PLEKHM3: variants seen among roughly 807,000 people sequenced by gnomAD.
PLEKHM3 encodes the protein pleckstrin homology domain containing M3, also known as pleckstrin homology domain-containing family M member 3.
Under a neutral mutation model 81.8 loss-of-function variants are expected in PLEKHM3, and 45 were observed. The ratio of observed to expected loss-of-function variants is 0.55; its 90% confidence interval spans 0.43 to 0.71. The LOEUF is 0.71. Ranked by LOEUF, PLEKHM3 falls within the 30% of genes least tolerant of loss-of-function variation. PLEKHM3 has a pLI of 0.00. For synonymous variants in PLEKHM3, 352 were observed against 356.4 expected, an observed-to-expected ratio of 0.99 and a Z score of 0.14; for missense variants, 788 against 924.3, an observed-to-expected ratio of 0.85 and a Z score of 1.91.
Position 208,011,356 on chromosome 2 carries a change from C to T in PLEKHM3, c.-318-9399G>A, listed in dbSNP as rs149289284. On this transcript the variant is annotated intron_variant, in intron 1 of 7. Coordinates refer to ENST00000427836, the MANE Select transcript of PLEKHM3 (RefSeq NM_001080475.3). ...ACCAACCCAAATGCTCATCAATCAA[C>T]GAATAGAAAGAAACTGTGAGATATA... Among the ~76,000 whole-genome samples the T allele has an allele frequency of 5.3e-5, 8 of 152,048 alleles. No homozygotes were observed. In the East Asian group the frequency reaches 9.7e-4, roughly 18 times the overall value.
intron 1 of PLEKHM3, among the ~76,000 whole-genome samples, chr2:208,023,892 G>A (rs1376608210): frequency 6.6e-6 from 1 of 151,894 alleles, no homozygotes; most frequent in Non-Finnish European, 1.5e-5. Flanking sequence ...CATGTATATA[G>A]CAATTACTAT....
At chr2:207,841,496 T>C (rs1306805225) in intron 7 of PLEKHM3, among the ~76,000 whole-genome samples, 2 of 125,520 alleles carry the variant, frequency 1.6e-5, no homozygotes, top group Non-Finnish European at 3.3e-5. Flanking sequence ...TATATATATA[T>C]ATATATATAT....
At chr2:207,910,953 A>G (rs1219646237) in intron 5 of PLEKHM3, among the ~76,000 whole-genome samples, 1 of 152,226 alleles carries the variant, frequency 6.6e-6, no homozygotes, top group African/African-American at 2.4e-5. Flanking sequence ...CCTGAAGTAT[A>G]GAGCCTGGGG....
chr2:207,888,354 T>TACAC (rs72373527), intron 6 of PLEKHM3, among the ~76,000 whole-genome samples: 3,208 of 150,134 alleles, frequency 0.021, 81 homozygotes, highest in African/African-American at 0.06. Context: ...CTTTTCTTCA[T>TACAC]ACACACACAC....
At chr2:207,828,594 A>G in intron 7 of PLEKHM3, 98 bp from the exon 8 acceptor site, 2 of 1,137,876 alleles carry the variant, frequency 1.8e-6, no homozygotes, top group Non-Finnish European at 2.5e-6. Context: ...GGCACAATCT[A>G]CTGTTCTGGA....
At chr2:207,840,220 G>C (rs2092342350) in intron 7 of PLEKHM3, among the ~76,000 whole-genome samples, 1 of 152,140 alleles carries the variant, frequency 6.6e-6, no homozygotes, top group Admixed American at 6.5e-5. Flanking sequence ...ACAGGGTCTT[G>C]CTGTTGCCCA....
At chr2:207,859,130 CTTTTTCTTTTTTTTTTT>C (rs2092453017) in intron 7 of PLEKHM3, among the ~76,000 whole-genome samples, 1 of 102,350 alleles carries the variant, frequency 9.8e-6, no homozygotes, top group Admixed American at 1.1e-4. Flanking sequence ...TACGTTTTTT[CTTTTTCTTTTTTTTTTT>C]TTTTTTTGAG....
chr2:207,883,644 T>A (rs1045029664), intron 6 of PLEKHM3, among the ~76,000 whole-genome samples: 4 of 152,208 alleles, frequency 2.6e-5, no homozygotes, highest in African/African-American at 9.7e-5. Flanking sequence ...GTGAGGCAGC[T>A]GACCGTCATC....
chr2:208,012,343 G>A (rs1692731099), intron 1 of PLEKHM3, among the ~76,000 whole-genome samples: 1 of 152,192 alleles, frequency 6.6e-6, no homozygotes, highest in Non-Finnish European at 1.5e-5. Flanking sequence ...AGAGAGGTGA[G>A]TAAAGTAATG....
At chr2:207,923,906 T>TATATATATATATATATA (rs1491270678) in intron 5 of PLEKHM3, among the ~76,000 whole-genome samples, 2 of 59,722 alleles carry the variant, frequency 3.3e-5, no homozygotes, top group Non-Finnish European at 6.3e-5. Context: ...TATATATATA[T>TATATATATATATATATA]TTTTTTTTTT....
At chr2:208,000,426 CCTT>C (rs1692257683) in intron 2 of PLEKHM3, among the ~76,000 whole-genome samples, 1 of 152,210 alleles carries the variant, frequency 6.6e-6, no homozygotes, top group African/African-American at 2.4e-5. Flanking sequence ...AGTGTCTTCT[CCTT>C]CTTCTGTCCT....
intron 3 of PLEKHM3, among the ~76,000 whole-genome samples, chr2:207,970,590 C>T (rs1410576096): frequency 1.3e-5 from 2 of 152,232 alleles, no homozygotes; most frequent in Non-Finnish European, 2.9e-5. Flanking sequence ...AGGGTTATTA[C>T]TGTAGCCTTA....
intron 2 of PLEKHM3, among the ~76,000 whole-genome samples, chr2:207,992,851 T>C (rs1691943129): frequency 6.6e-6 from 1 of 152,122 alleles, no homozygotes; most frequent in African/African-American, 2.4e-5. Flanking sequence ...GGGAAAGTAT[T>C]CTGGGATGAA....
chr2:208,014,131 C>T (rs890067956), intron 1 of PLEKHM3, among the ~76,000 whole-genome samples: 1 of 152,164 alleles, frequency 6.6e-6, no homozygotes, highest in African/African-American at 2.4e-5. Context: ...GTGACAACAA[C>T]CTTGGCTACC....
intron 7 of PLEKHM3, among the ~76,000 whole-genome samples, chr2:207,848,457 G>A (rs1431932620): frequency 1.3e-5 from 2 of 152,162 alleles, no homozygotes; most frequent in African/African-American, 4.8e-5. Context: ...GTGCCCAGGG[G>A]CAAATCTAAG....
intron 4 of PLEKHM3, among the ~76,000 whole-genome samples, chr2:207,943,867 C>CAA (rs66843432): frequency 0.03 from 2,307 of 75,646 alleles, 163 homozygotes; most frequent in African/African-American, 0.11. Context: ...GACTCCGTCT[C>CAA]AAAAAAAAAA....
intron 3 of PLEKHM3, among the ~76,000 whole-genome samples, chr2:207,967,724 T>G (rs1690967334): frequency 6.6e-6 from 1 of 152,234 alleles, no homozygotes; most frequent in Admixed American, 6.5e-5. Context: ...TAGCCTCATA[T>G]GACATTTACT....
At chr2:207,922,626 C>T (rs1043458573) in intron 5 of PLEKHM3, among the ~76,000 whole-genome samples, 23 of 152,078 alleles carry the variant, frequency 1.5e-4, no homozygotes, top group Non-Finnish European at 2.4e-4. Context: ...TCCTGGCTAA[C>T]ACGGTGAAAA....
At chr2:207,931,388 T>C (rs1340274933) in intron 4 of PLEKHM3, among the ~76,000 whole-genome samples, 2 of 152,320 alleles carry the variant, frequency 1.3e-5, no homozygotes, top group African/African-American at 4.8e-5. Flanking sequence ...CGGCACAGTA[T>C]GGTGCCGTTA....
Sources: gnomAD v4.1 joint callset for allele counts (sites outside exome capture counted in the v4.1 genomes callset) on GRCh38, gnomAD v4.1.1 for gene constraint, MANE v1.5 for transcripts, NCBI Gene and HGNC (gene_info 2026-07-23, HGNC 2026-07-21) for gene names.